Variants in TMC4 observed in about 807,000 individuals in gnomAD.
TMC4 encodes voltage-gated chloride channel TMC4.
In TMC4, 70 loss-of-function variants were observed where a neutral mutation model predicts 82.0. The observed-to-expected ratio is 0.85, with a 90% CI of 0.70 to 1.04. The LOEUF (loss-of-function observed/expected upper bound fraction) is 1.04. Among genes scored for constraint, TMC4 ranks in the 50% least tolerant of loss-of-function variants. The pLI is 0.00. For missense variants in TMC4, 879 were observed against 899.0 expected, an observed-to-expected ratio of 0.98 and a Z score of 0.28; for synonymous variants, 446 against 406.0, an observed-to-expected ratio of 1.10 and a Z score of -1.18.
chr19:54,160,822 G>T, intron 13 of TMC4, 56 bp downstream of exon 13: 2 of 1,593,304 alleles, frequency 1.3e-6, no homozygotes, highest in South Asian at 2.2e-5. Context: ...GACGCAGGTG[G>T]TGGCCCCCAG....
intron 13 of TMC4, 24 bp from the exon 14 acceptor site, chr19:54,160,569 C>G (rs2075517903): frequency 6.2e-7 from 1 of 1,613,818 alleles, no homozygotes; most frequent in African/African-American, 1.3e-5. Context: ...GAACGGAAGC[C>G]ACTCCTGACA....
chr19:54,162,544 G>A, intron 10 of TMC4, 129 bp downstream of exon 10: 1 of 816,036 alleles, frequency 1.2e-6, no homozygotes, highest in Non-Finnish European at 2.0e-6. Flanking sequence ...GAGATCTGCG[G>A]ACCTAGGGCA....
rs1295398564 is a variant in TMC4, at chr19:54,168,281, T to C, written c.687A>G (p.Glu229=). The change falls in exon 5 of 15, where the codon GAA becomes GAG. Residue 229 remains glutamate, a synonymous_variant. Coordinates refer to ENST00000619895, the MANE Select transcript of TMC4 (RefSeq NM_144686.4). ...FNLLSGEGYL[E]WSPLFYGFYP... ...AGAAGCCATAGAAGAGAGGGGACCA[T>C]TCCAGGTAACCCTGTGGGGGGAAGG... 1.3e-6 allele frequency: 2 copies of C among 1,553,318 alleles called. No homozygotes were observed. The highest frequency in any genetic ancestry group is 1.2e-5 in the South Asian group (1 of 84,272).
Position 54,168,641 on chromosome 19 carries a change from A to G in TMC4, c.482T>C (p.Leu161Pro), listed in dbSNP as rs1323205110. The change falls in exon 4 of 15, where the codon CTG (leucine) becomes CCG (proline). Residue 161 changes from leucine to proline, a missense_variant. Transcript: ENST00000619895. ...GAGTESYFSL[L>P]RFLLLLNVLA... Reference sequence around the variant, plus strand: ...CACGTTAAGAAGGAGCAGGAAGCGCAGCAGGGAGAAGTAGGACTCCGTGCC... The same window carrying G: ...CACGTTAAGAAGGAGCAGGAAGCGCGGCAGGGAGAAGTAGGACTCCGTGCC... The G allele has an allele frequency of 6.3e-7, 1 of 1,584,092 alleles. No homozygotes were observed. The highest frequency in any genetic ancestry group is 1.8e-5 in the Admixed American group (1 of 55,580).
At chr19:54,162,476 TGTCGCCGCC>T (rs1383489382) in intron 10 of TMC4, among the ~76,000 whole-genome samples, 188 bp downstream of exon 10, 2 of 149,652 alleles carry the variant, frequency 1.3e-5, no homozygotes, top group Non-Finnish European at 3.0e-5. Flanking sequence ...GGGACCCAGA[TGTCGCCGCC>T]GTCGGGGCCA....
intron 2 of TMC4, among the ~76,000 whole-genome samples, chr19:54,171,009 T>C (rs4806498): frequency 0.6 from 91,332 of 151,492 alleles, 27,612 homozygotes; most frequent in East Asian, 0.67. Context: ...TACTGATCGG[T>C]GTGGGAGTGT....
At chr19:54,164,916 G>A (rs1600565395) in intron 6 of TMC4, among the ~76,000 whole-genome samples, 1 of 152,080 alleles carries the variant, frequency 6.6e-6, no homozygotes, top group East Asian at 1.9e-4. Context: ...GCCCATCAGA[G>A]GCTCCGCCCC....
At chr19:54,170,600 C>T (rs1184825512) in intron 2 of TMC4, among the ~76,000 whole-genome samples, 1 of 123,686 alleles carries the variant, frequency 8.1e-6, no homozygotes, top group African/African-American at 3.2e-5. Flanking sequence ...TACACACATC[C>T]TCCTGTGTTT....
Position 54,165,538 on chromosome 19 carries a change from G to C in TMC4, c.826C>G (p.Leu276Val). The C allele has an allele frequency of 6.2e-7, 1 of 1,610,286 alleles. No homozygotes were observed. Among genetic ancestry groups the C allele is most frequent in the East Asian group, 2.2e-5 (1 of 44,760 alleles). Residue 276 changes from leucine (L) to valine (V), a missense_variant, in exon 6 of 15, where the codon CTG becomes GTG. By Grantham distance (32) the Leu-to-Val change is conservative (BLOSUM62 1). Transcript: ENST00000619895. ...CTGGTCAGAGCCTCGGACTCCGCCAGCAGTGTCTGCTTCAGCCCAGACACC... is the reference window on the plus strand; with the variant it reads ...CTGGTCAGAGCCTCGGACTCCGCCACCAGTGTCTGCTTCAGCCCAGACACC... ...RSVSGLKQTL[L>V]AESEALTSYS...
intron 2 of TMC4, among the ~76,000 whole-genome samples, chr19:54,170,949 A>G (rs751475700): frequency 2.6e-5 from 4 of 151,986 alleles, no homozygotes; most frequent in Non-Finnish European, 4.4e-5. Context: ...GGGTCTCGCT[A>G]TGTTACTCAG....
chr19:54,173,010 G>A (rs1427182422), intron 1 of TMC4, 29 bp downstream of exon 1: 1 of 1,596,914 alleles, frequency 6.3e-7, no homozygotes, highest in Non-Finnish European at 8.6e-7. Context: ...AAGGTCGGAT[G>A]GATCTGAGCT....
At chr19:54,171,720 AAAG>A in intron 2 of TMC4, 147 bp downstream of exon 2, 1 of 652,044 alleles carries the variant, frequency 1.5e-6, no homozygotes, top group African/African-American at 1.9e-5. Context: ...TGAGGGGAAG[AAAG>A]AAACCAAGAG....
In TMC4 at chr19:54,162,163, A is replaced by G. The variant is rs199687894; in HGVS notation, c.1625T>C (p.Phe542Ser). The G allele has an allele frequency of 6.2e-7, 1 of 1,613,814 alleles. No individual in the cohort carries two copies. Among genetic ancestry groups the G allele is most frequent in the Non-Finnish European group, 8.5e-7 (1 of 1,179,914 alleles). The change falls in exon 11 of 15, where the codon TTC becomes TCC. Residue 542 changes from phenylalanine (F) to serine (S), a missense_variant. Transcript: ENST00000619895. ...GTTAAGCAGGGGCAGTAAAGGGCAGAAAAAACTCCCCACCCAGACCACCGT... is the reference window on the plus strand; with the variant it reads ...GTTAAGCAGGGGCAGTAAAGGGCAGGAAAAACTCCCCACCCAGACCACCGT... ...AQTVVWVGSFFCPLLPLLNTV... is the reference protein window; with the variant it reads ...AQTVVWVGSFSCPLLPLLNTV...
intron 10 of TMC4, 151 bp from the exon 11 acceptor site, chr19:54,162,436 T>TGTCC: frequency 1.5e-6 from 1 of 665,270 alleles, no homozygotes; most frequent in Non-Finnish European, 2.4e-6. Flanking sequence ...GGAGGGGGTG[T>TGTCC]GTCCAGAGGG....
At chr19:54,162,378 CG>C in intron 10 of TMC4, 93 bp from the exon 11 acceptor site, 2 of 417,292 alleles carry the variant, frequency 4.8e-6, no homozygotes, top group Non-Finnish European at 7.7e-6. Context: ...AGGAAGCATG[CG>C]TATTGGTGGT....
intron 13 of TMC4, 56 bp downstream of exon 13, chr19:54,160,822 G>A: frequency 6.3e-7 from 1 of 1,593,304 alleles, no homozygotes; most frequent in Non-Finnish European, 8.5e-7. Context: ...GACGCAGGTG[G>A]TGGCCCCCAG....
rs1392734457 is a variant in TMC4, at chr19:54,160,947, T to C, written c.1904A>G (p.Glu635Gly). The change falls in exon 13 of 15, where the codon GAG becomes GGG. Residue 635 changes from glutamate (E) to glycine (G), a missense_variant. By Grantham distance (98) the Glu-to-Gly change is moderately conservative. Transcript: ENST00000619895. ...QIPESISSLP[E>G]TTQNFLFFLG... ...GAAGAAGAGGAAATTCTGGGTGGTC[T>C]CAGGGAGGCTGGAAATAGACTCAGG... 2 of 1,614,064 alleles carry C rather than the reference T, an allele frequency of 1.2e-6. No homozygotes were observed. Among genetic ancestry groups the C allele is most frequent in the African/African-American group, 2.7e-5 (2 of 74,996 alleles).
chr19:54,169,477 C>A lies in TMC4; in HGVS notation c.442+35G>T, dbSNP rs774872982. On this transcript the variant is annotated intron_variant, in intron 3 of 14. Transcript: ENST00000619895. ...CTCCCTCAGACCCAGGAGTCCAGGC[C>A]CTGCCCCCAGGACACCACCCAAACC... is the stretch of plus-strand genomic sequence containing the variant. 9 of 1,594,042 alleles carry A rather than the reference C, an allele frequency of 5.6e-6. 1 individual carries two copies. In the South Asian group the frequency reaches 1.0e-4, roughly 18 times the overall value.
In TMC4 at chr19:54,162,110, G is replaced by C. The variant is rs1600552023; in HGVS notation, c.1678C>G (p.Leu560Val). Reference protein sequence around the residue: ...NTVKFLLLFYLKKLTLFSTCS... With the variant: ...NTVKFLLLFYVKKLTLFSTCS... ...TCCCCCCTACCCCTTACCTTCTTCA[G>C]GTAGAAAAGCAGCAGGAACTTGACC... Residue 560 changes from leucine (L) to valine (V), a missense_variant, in exon 11 of 15, where the codon CTG becomes GTG. Transcript: ENST00000619895. The C allele has an allele frequency of 1.2e-6, 2 of 1,612,092 alleles. No homozygotes were observed. Among genetic ancestry groups the C allele is most frequent in the Non-Finnish European group, 1.7e-6 (2 of 1,179,052 alleles).
Sources: gnomAD v4.1 joint callset for allele counts (sites outside exome capture counted in the v4.1 genomes callset) on GRCh38, gnomAD v4.1.1 for gene constraint, MANE v1.5 for transcripts, NCBI Gene and HGNC (gene_info 2026-07-23, HGNC 2026-07-21) for gene names.